Variants in NCAM1 observed in about 807,000 individuals in gnomAD.
The protein encoded by NCAM1 is antigen recognized by monoclonal antibody 5.1H11.
Under a neutral mutation model 109.8 loss-of-function variants are expected in NCAM1, and 14 were observed. That is an observed-to-expected ratio of 0.13 (90% CI 0.08 to 0.20). The LOEUF (loss-of-function observed/expected upper bound fraction) is 0.20, where lower values mean the gene tolerates loss of function less well. NCAM1 is among the 10% of genes least tolerant of loss of function. NCAM1 has a pLI of 1.00. For synonymous variants in NCAM1, 418 were observed against 442.9 expected (o/e 0.94, Z 0.70); for missense variants, 774 against 1,109.9 (o/e 0.70, Z 4.30).
At chr11:113,150,689 G>C (rs191086390) in intron 1 of NCAM1, among the ~76,000 whole-genome samples, 3 of 152,296 alleles carry the variant, frequency 2.0e-5, no homozygotes, top group African/African-American at 7.2e-5. Flanking sequence ...TTCCCAAACT[G>C]TTGGGCAGTT....
intron 1 of NCAM1, among the ~76,000 whole-genome samples, chr11:113,131,480 G>A (rs1941377503): frequency 6.6e-6 from 1 of 152,232 alleles, no homozygotes; most frequent in Admixed American, 6.5e-5. Context: ...GAGAAAGAGG[G>A]ATGTGTTGGA....
At chr11:113,240,627 G>A in intron 14 of NCAM1, 1 of 704,982 alleles carries the variant, frequency 1.4e-6, no homozygotes, top group Non-Finnish European at 2.5e-6. Context: ...CCTCGCTAGT[G>A]CCCTGGCCAG....
At position 113,232,306 on chromosome 11, in the gene NCAM1, T is replaced by A. The variant is rs1555117413; in HGVS notation, c.1377T>A (p.Asn459Lys). The stretch of plus-strand genomic sequence containing the variant: ...ATGGCCAGCTGCTGCCAAGCTCCAA[T>A]TACAGCAATATCAAGATCTACAACA... ...FRDGQLLPSS[N>K]YSNIKIYNTP... Residue 459 changes from asparagine to lysine, a missense_variant, in exon 11 of 20, where the codon AAT (asparagine) becomes AAA (lysine). By Grantham distance (94) the Asn-to-Lys change is moderately conservative (BLOSUM62 0). Around this residue, in one of 4 missense-constraint regions of NCAM1, gnomAD observed 523 missense variants for 784.2 expected, o/e 0.67. Coordinates refer to ENST00000316851, the MANE Select transcript of NCAM1 (RefSeq NM_181351.5). The A allele has an allele frequency of 6.2e-7, 1 of 1,613,728 alleles. No individual in the cohort carries two copies. Among genetic ancestry groups the A allele is most frequent in the Admixed American group, 1.7e-5 (1 of 60,006 alleles).
At chr11:113,056,409 A>G (rs1555082589) in intron 1 of NCAM1, among the ~76,000 whole-genome samples, 1 of 152,162 alleles carries the variant, frequency 6.6e-6, no homozygotes, top group East Asian at 1.9e-4. Context: ...TTCCCAACAC[A>G]AAGAAAAGAT....
At chr11:113,112,636 A>G (rs1591335966) in intron 1 of NCAM1, among the ~76,000 whole-genome samples, 1 of 152,230 alleles carries the variant, frequency 6.6e-6, no homozygotes, top group African/African-American at 2.4e-5. Context: ...ACCATTATGT[A>G]GAGAAAGATC....
intron 1 of NCAM1, among the ~76,000 whole-genome samples, chr11:113,056,733 C>T (rs1283323584): frequency 1.3e-5 from 2 of 152,134 alleles, no homozygotes; most frequent in Non-Finnish European, 2.9e-5. Context: ...ACAGCCCTGG[C>T]CAACACCTTA....
chr11:112,968,934 G>T (rs558690135), intron 1 of NCAM1, among the ~76,000 whole-genome samples: 1 of 152,166 alleles, frequency 6.6e-6, no homozygotes. Context: ...TTCAGGAATC[G>T]TGTGGAGTTT....
intron 17 of NCAM1, chr11:113,264,970 G>A (rs1159331378): frequency 1.0e-6 from 1 of 985,484 alleles, no homozygotes; most frequent in Non-Finnish European, 1.2e-6. Flanking sequence ...AGGAGTGAGT[G>A]CACCCCACCT....
At chr11:113,203,350 A>G (rs1414339393) in intron 2 of NCAM1, among the ~76,000 whole-genome samples, 3 of 152,240 alleles carry the variant, frequency 2.0e-5, no homozygotes, top group African/African-American at 7.2e-5. Flanking sequence ...AGCCCACAGC[A>G]CATCTTGCAA....
chr11:113,179,570 A>T (rs6589360), intron 1 of NCAM1, among the ~76,000 whole-genome samples: 43,892 of 152,088 alleles, frequency 0.29, 9,858 homozygotes, highest in African/African-American at 0.62. Context: ...GTATGTGATT[A>T]AGCCATCTCT....
chr11:113,275,834 A>G lies in NCAM1; in HGVS notation c.*447A>G, dbSNP rs1217791713. The G allele has an allele frequency of 6.5e-6, 1 of 154,282 alleles. No individual in the cohort carries two copies. Among genetic ancestry groups the G allele is most frequent in the Admixed American group, 6.4e-5 (1 of 15,602 alleles). The allele number at this position is 154,282 out of a possible 1,614,324, so 9.6% of individuals were successfully genotyped here. A position where few individuals can be genotyped will look rare whatever the true frequency, so the allele number is the denominator to read the frequency against. Reference sequence around the variant, plus strand: ...AGGCACTAAGACTAATCGAATGAACAAAGTCCACAGTTTATTTTTATACTT... The same window carrying G: ...AGGCACTAAGACTAATCGAATGAACGAAGTCCACAGTTTATTTTTATACTT... On this transcript the variant is annotated 3_prime_UTR_variant, in exon 20 of 20. Transcript: ENST00000316851.
chr11:113,092,266 G>A (rs1022350293), intron 1 of NCAM1, among the ~76,000 whole-genome samples: 1 of 152,056 alleles, frequency 6.6e-6, no homozygotes, highest in African/African-American at 2.4e-5. Flanking sequence ...TTACATATGA[G>A]CAAATTGAGG....
At chr11:112,969,076 A>G (rs558441558) in intron 1 of NCAM1, among the ~76,000 whole-genome samples, 2 of 152,180 alleles carry the variant, frequency 1.3e-5, no homozygotes, top group Non-Finnish European at 2.9e-5. Flanking sequence ...AAAGGAAGCA[A>G]TTAATTCTGC....
intron 1 of NCAM1, among the ~76,000 whole-genome samples, chr11:113,016,986 A>G (rs904064942): frequency 2.0e-5 from 3 of 152,208 alleles, no homozygotes; most frequent in Non-Finnish European, 4.4e-5. Flanking sequence ...TGTTTGCATT[A>G]AAGGAATTTG....
At chr11:113,207,780 C>T (rs1456853855) in intron 6 of NCAM1, 53 bp from the exon 7 acceptor site, 11 of 1,515,636 alleles carry the variant, frequency 7.3e-6, no homozygotes, top group African/African-American at 4.1e-5. Flanking sequence ...TAAAAATAAA[C>T]GTCTTATTTC....
intron 1 of NCAM1, among the ~76,000 whole-genome samples, chr11:113,149,954 G>A (rs1212063930): frequency 6.6e-6 from 1 of 152,150 alleles, no homozygotes; most frequent in Non-Finnish European, 1.5e-5. Flanking sequence ...GTAAAATTGG[G>A]CAGCATATAT....
intron 7 of NCAM1, among the ~76,000 whole-genome samples, chr11:113,210,275 C>T (rs1285888063): frequency 6.6e-6 from 1 of 152,142 alleles, no homozygotes; most frequent in African/African-American, 2.4e-5. Flanking sequence ...TGTAAGTTAA[C>T]TCTTTTAATC....
intron 1 of NCAM1, among the ~76,000 whole-genome samples, chr11:113,063,636 T>C (rs1937788909): frequency 6.6e-6 from 1 of 152,024 alleles, no homozygotes; most frequent in South Asian, 2.1e-4. Flanking sequence ...TTGGATGGGG[T>C]TCAGACATTC....
At chr11:113,066,929 A>G (rs1555084339) in intron 1 of NCAM1, among the ~76,000 whole-genome samples, 2 of 147,244 alleles carry the variant, frequency 1.4e-5, no homozygotes, top group African/African-American at 2.5e-5. Context: ...GTGTGAACCC[A>G]GGAGGCGAAG....
Sources: gnomAD v4.1 joint callset for allele counts (sites outside exome capture counted in the v4.1 genomes callset) on GRCh38, gnomAD v4.1.1 for gene constraint, gnomAD v4.1.1 regional missense constraint, MANE v1.5 for transcripts, NCBI Gene and HGNC (gene_info 2026-07-23, HGNC 2026-07-21) for gene names.